RPS6KC1: variants seen among roughly 807,000 people sequenced by gnomAD.
RPS6KC1 encodes inactive ribosomal protein S6 kinase delta-1.
RPS6KC1 carries 54 observed loss-of-function variants against 103.8 expected under a neutral mutation model. The ratio of observed to expected loss-of-function variants is 0.52; its 90% confidence interval spans 0.42 to 0.65. The LOEUF is 0.65. RPS6KC1 is among the 30% of genes least tolerant of loss of function. The probability of loss-of-function intolerance (pLI) is 0.00; values close to 1 mark genes in which losing one functional copy is unlikely to be tolerated. For missense variants in RPS6KC1, 1,151 were observed against 1,253.8 expected, an observed-to-expected ratio of 0.92 and a Z score of 1.24; for synonymous variants, 439 against 438.7, an observed-to-expected ratio of 1.00 and a Z score of -0.01.
the RPS6KC1 span, among the ~76,000 whole-genome samples, chr1:213,696,372 C>T: frequency 6.6e-6 from 1 of 151,580 alleles, no homozygotes; most frequent in African/African-American, 2.4e-5. Context: ...CATGGTGGCA[C>T]GTGCCTGTAA....
At chr1:213,396,466 C>T in the RPS6KC1 span, among the ~76,000 whole-genome samples, 1 of 152,210 alleles carries the variant, frequency 6.6e-6, no homozygotes, top group Admixed American at 6.5e-5. Context: ...TGGGTGTCCA[C>T]ATACTCTGAC....
At chr1:213,695,237 G>A in the RPS6KC1 span, among the ~76,000 whole-genome samples, 5 of 152,242 alleles carry the variant, frequency 3.3e-5, no homozygotes, top group Non-Finnish European at 5.9e-5. Context: ...GGTCAGTGGT[G>A]TGGGCACATG....
chr1:213,489,493 GC>G, the RPS6KC1 span, among the ~76,000 whole-genome samples: 191 of 152,296 alleles, frequency 1.3e-3, 2 homozygotes, highest in South Asian at 0.039. Context: ...CATTCAATAA[GC>G]ATTTATTGAG....
the RPS6KC1 span, among the ~76,000 whole-genome samples, chr1:213,629,567 C>A: frequency 3.3e-5 from 5 of 152,086 alleles, no homozygotes; most frequent in African/African-American, 1.2e-4. Context: ...TTAATTGGAG[C>A]ATTTAGCCCA....
At chr1:213,523,313 A>C in the RPS6KC1 span, among the ~76,000 whole-genome samples, 1 of 152,262 alleles carries the variant, frequency 6.6e-6, no homozygotes, top group South Asian at 2.1e-4. Flanking sequence ...ACCACAGATC[A>C]CTGTAACAGC....
At chr1:213,774,670 T>A in the RPS6KC1 span, among the ~76,000 whole-genome samples, 4 of 152,194 alleles carry the variant, frequency 2.6e-5, no homozygotes, top group African/African-American at 9.7e-5. Flanking sequence ...GAATAGTCCG[T>A]GTGTGTATTT....
chr1:213,656,504 G>A, the RPS6KC1 span, among the ~76,000 whole-genome samples: 3 of 152,176 alleles, frequency 2.0e-5, no homozygotes, highest in Non-Finnish European at 4.4e-5. Context: ...GGAATCACAG[G>A]TAGGACCCTT....
At chr1:213,607,505 C>T in the RPS6KC1 span, among the ~76,000 whole-genome samples, 1 of 152,078 alleles carries the variant, frequency 6.6e-6, no homozygotes, top group Non-Finnish European at 1.5e-5. Context: ...TCTCATGACT[C>T]CCATCCTTCC....
chr1:213,536,065 T>C, the RPS6KC1 span, among the ~76,000 whole-genome samples: 1 of 152,026 alleles, frequency 6.6e-6, no homozygotes. Context: ...CTTTTTTTTT[T>C]CCAGTCTGTG....
chr1:213,452,157 G>T, the RPS6KC1 span, among the ~76,000 whole-genome samples: 1 of 152,078 alleles, frequency 6.6e-6, no homozygotes, highest in South Asian at 2.1e-4. Context: ...TTTAGGTCAG[G>T]CTGCATTCAG....
the RPS6KC1 span, among the ~76,000 whole-genome samples, chr1:213,409,803 A>G: frequency 2.1e-4 from 32 of 152,306 alleles, no homozygotes; most frequent in African/African-American, 7.7e-4. Flanking sequence ...ATAGGGTCCT[A>G]CCTTCAAGGA....
the RPS6KC1 span, among the ~76,000 whole-genome samples, chr1:213,574,828 G>A: frequency 1.3e-5 from 2 of 152,142 alleles, no homozygotes; most frequent in African/African-American, 4.8e-5. Context: ...TAAGGGAAAC[G>A]AGGACCCTGA....
intron 1 of RPS6KC1, among the ~76,000 whole-genome samples, chr1:213,060,537 G>T (rs1275447704): frequency 6.6e-6 from 1 of 152,046 alleles, no homozygotes; most frequent in Non-Finnish European, 1.5e-5. Flanking sequence ...ATATTGTTTA[G>T]TAGAAAACTT....
chr1:213,385,699 A>G, the RPS6KC1 span, among the ~76,000 whole-genome samples: 1 of 152,156 alleles, frequency 6.6e-6, no homozygotes, highest in Non-Finnish European at 1.5e-5. Flanking sequence ...ATTGCTACTG[A>G]TGACAGTAGA....
chr1:213,697,644 G>A, the RPS6KC1 span, among the ~76,000 whole-genome samples: 2 of 152,132 alleles, frequency 1.3e-5, no homozygotes, highest in East Asian at 3.9e-4. Flanking sequence ...TTGGATTCTG[G>A]GTGTAATCCT....
At chr1:213,722,981 T>A in the RPS6KC1 span, among the ~76,000 whole-genome samples, 1 of 152,028 alleles carries the variant, frequency 6.6e-6, no homozygotes, top group Non-Finnish European at 1.5e-5. Flanking sequence ...GAGTTCGAGA[T>A]CAGCCTGGCC....
chr1:213,173,725 T>C (rs2091655885), intron 7 of RPS6KC1, among the ~76,000 whole-genome samples: 1 of 152,256 alleles, frequency 6.6e-6, no homozygotes, highest in African/African-American at 2.4e-5. Flanking sequence ...TATTGTTATT[T>C]AACTGTTCAT....
chr1:213,781,863 T>C, the RPS6KC1 span, among the ~76,000 whole-genome samples: 7 of 152,126 alleles, frequency 4.6e-5, no homozygotes, highest in Non-Finnish European at 1.0e-4. Context: ...TGTGGCTCAG[T>C]CCAAATCATT....
At chr1:213,581,880 C>T in the RPS6KC1 span, among the ~76,000 whole-genome samples, 1 of 152,052 alleles carries the variant, frequency 6.6e-6, no homozygotes, top group South Asian at 2.1e-4. Context: ...CCACCTTTCT[C>T]CTGATTTTGA....
Sources: gnomAD v4.1 joint callset for allele counts (sites outside exome capture counted in the v4.1 genomes callset) on GRCh38, gnomAD v4.1.1 for gene constraint, MANE v1.5 for transcripts, NCBI Gene and HGNC (gene_info 2026-07-23, HGNC 2026-07-21) for gene names.